Variants in CAMTA1 observed in about 807,000 individuals in gnomAD.
The protein encoded by CAMTA1 is calmodulin-binding transcription activator 1.
CAMTA1 carries 27 observed loss-of-function variants against 170.9 expected under a neutral mutation model. The observed-to-expected ratio is 0.16, with a 90% CI of 0.12 to 0.22. CAMTA1 has a LOEUF of 0.22. Ranked by LOEUF, CAMTA1 falls within the 10% of genes least tolerant of loss-of-function variation. The probability of loss-of-function intolerance (pLI) is 1.00; values close to 1 mark genes in which losing one functional copy is unlikely to be tolerated. For missense variants in CAMTA1, 1,619 were observed against 2,217.2 expected, an observed-to-expected ratio of 0.73 and a Z score of 5.42; for synonymous variants, 833 against 891.5, an observed-to-expected ratio of 0.93 and a Z score of 1.17.
intron 1 of CAMTA1, among the ~76,000 whole-genome samples, chr1:6,798,215 T>G (rs1371310076): frequency 2.0e-5 from 3 of 151,936 alleles, no homozygotes; most frequent in Admixed American, 6.6e-5. Flanking sequence ...CTTGAACTCC[T>G]GACCTCAGGT....
chr1:7,574,293 C>T (rs1366041153), intron 6 of CAMTA1, among the ~76,000 whole-genome samples: 1 of 152,120 alleles, frequency 6.6e-6, no homozygotes, highest in Non-Finnish European at 1.5e-5. Context: ...CAGACACTGC[C>T]AGGCGTTATA....
At chr1:7,181,234 A>T (rs1652094473) in intron 4 of CAMTA1, among the ~76,000 whole-genome samples, 2 of 152,234 alleles carry the variant, frequency 1.3e-5, no homozygotes, top group South Asian at 2.1e-4. Flanking sequence ...AGGAATAAAT[A>T]GATGCTTTTT....
intron 4 of CAMTA1, among the ~76,000 whole-genome samples, chr1:7,175,651 C>G (rs1050148603): frequency 2.0e-5 from 3 of 152,252 alleles, no homozygotes; most frequent in African/African-American, 7.2e-5. Flanking sequence ...CCTGCAGCCA[C>G]CCCAGCCGCT....
intron 6 of CAMTA1, among the ~76,000 whole-genome samples, chr1:7,502,420 G>T (rs1386881476): frequency 6.6e-6 from 1 of 152,212 alleles, no homozygotes; most frequent in Non-Finnish European, 1.5e-5. Context: ...ATAAAAATTT[G>T]ATGGGCTCCG....
chr1:7,222,037 C>T (rs1022575158), intron 4 of CAMTA1, among the ~76,000 whole-genome samples: 1 of 152,096 alleles, frequency 6.6e-6, no homozygotes, highest in Non-Finnish European at 1.5e-5. Context: ...CAAACAGGGG[C>T]GACAGGACTG....
intron 4 of CAMTA1, among the ~76,000 whole-genome samples, chr1:7,115,710 A>T (rs1368677987): frequency 6.6e-6 from 1 of 151,964 alleles, no homozygotes; most frequent in South Asian, 2.1e-4. Context: ...AGGAGAGCTG[A>T]TGGTGTTGTT....
At chr1:7,621,636 C>G (rs929701827) in intron 6 of CAMTA1, among the ~76,000 whole-genome samples, 8 of 152,206 alleles carry the variant, frequency 5.3e-5, no homozygotes, top group African/African-American at 1.9e-4. Flanking sequence ...GCCCAACACT[C>G]TGTGTCATTG....
intron 3 of CAMTA1, among the ~76,000 whole-genome samples, chr1:6,839,894 G>A (rs1437210641): frequency 6.6e-6 from 1 of 152,184 alleles, no homozygotes; most frequent in Admixed American, 6.5e-5. Context: ...GTTGTGCCAA[G>A]TAGGCATAAA....
chr1:7,166,218 C>T (rs2148797334), intron 4 of CAMTA1, among the ~76,000 whole-genome samples: 1 of 152,218 alleles, frequency 6.6e-6, no homozygotes, highest in South Asian at 2.1e-4. Context: ...AGGTGCCCAC[C>T]ACCATGCCCA....
chr1:7,516,165 C>T (rs952386777), intron 6 of CAMTA1, among the ~76,000 whole-genome samples: 8 of 152,324 alleles, frequency 5.3e-5, no homozygotes, highest in Middle Eastern at 3.4e-3. Flanking sequence ...AACACAGAGT[C>T]GTGGGCTCCA....
At chr1:7,505,986 G>A (rs1310568545) in intron 6 of CAMTA1, among the ~76,000 whole-genome samples, 2 of 152,164 alleles carry the variant, frequency 1.3e-5, no homozygotes, top group Non-Finnish European at 2.9e-5. Flanking sequence ...CTGCAGCAGT[G>A]TGGAAAGCAG....
intron 1 of CAMTA1, among the ~76,000 whole-genome samples, chr1:6,800,845 A>C (rs574676551): frequency 1.4e-4 from 21 of 152,278 alleles, no homozygotes; most frequent in African/African-American, 4.6e-4. Flanking sequence ...TATTTTTGGA[A>C]GTTTCTTTCA....
intron 3 of CAMTA1, among the ~76,000 whole-genome samples, chr1:6,861,210 C>A (rs1197660096): frequency 6.6e-6 from 1 of 152,138 alleles, no homozygotes; most frequent in African/African-American, 2.4e-5. Context: ...CCCGCCTTGG[C>A]CTCCCAAAGT....
rs1398367214 is a variant in CAMTA1 at position 7,766,416 on chromosome 1, C to G, written c.4990-43C>G. The stretch of plus-strand genomic sequence containing the variant: ...CTTTCCTTTACTTGGTCACAATTCA[C>G]TATAGAGTTATCGCCTGCTGTTTTG... On this transcript the variant is annotated intron_variant, in intron 22 of 22. Transcript: ENST00000303635. 5 of 1,604,402 alleles carry G rather than the reference C, an allele frequency of 3.1e-6. No individual in the cohort carries two copies. In the African/African-American group the frequency reaches 6.7e-5, roughly 21 times the overall value.
intron 5 of CAMTA1, among the ~76,000 whole-genome samples, chr1:7,353,568 G>A (rs2084863900): frequency 6.6e-6 from 1 of 151,724 alleles, no homozygotes; most frequent in African/African-American, 2.4e-5. Context: ...GGGATTACAG[G>A]CACACACCAC....
chr1:6,895,044 C>G (rs1000330739), intron 3 of CAMTA1, among the ~76,000 whole-genome samples: 2 of 152,168 alleles, frequency 1.3e-5, no homozygotes, highest in Non-Finnish European at 2.9e-5. Context: ...GGCCCTGAGC[C>G]TGTGTGTGGG....
intron 5 of CAMTA1, among the ~76,000 whole-genome samples, chr1:7,356,115 A>G (rs2085092085): frequency 6.6e-6 from 1 of 152,166 alleles, no homozygotes; most frequent in African/African-American, 2.4e-5. Context: ...CGGGTTTGGG[A>G]GGGAGGCATG....
At chr1:6,870,090 A>T (rs1667954243) in intron 3 of CAMTA1, among the ~76,000 whole-genome samples, 1 of 152,154 alleles carries the variant, frequency 6.6e-6, no homozygotes, top group African/African-American at 2.4e-5. Flanking sequence ...TTTTAATGCA[A>T]AATATTTTTG....
In CAMTA1 at chr1:7,323,507, C is replaced by CTTTTTTTTTT. The variant is rs56382342; in HGVS notation, c.438+73897_438+73906dup. On this transcript the variant is annotated intron_variant, in intron 5 of 22. Coordinates refer to ENST00000303635, the MANE Select transcript of CAMTA1 (RefSeq NM_015215.4). ...GGATGATTCTATTTCCTTTATTCTT[C>CTTTTTTTTTT]TTTTTTTTTTTTTTTTTTTTTTTTT... Among the ~76,000 whole-genome samples, 836 of 109,060 alleles carry CTTTTTTTTTT rather than the reference C, an allele frequency of 7.7e-3. 5 individuals are homozygous for CTTTTTTTTTT. Among genetic ancestry groups the CTTTTTTTTTT allele is most frequent in the Non-Finnish European group, 0.011 (642 of 57,194 alleles). The allele number at this position is 109,060 out of a possible 152,430, so 71.5% of individuals were successfully genotyped here.
Sources: gnomAD v4.1 joint callset for allele counts (sites outside exome capture counted in the v4.1 genomes callset) on GRCh38, gnomAD v4.1.1 for gene constraint, MANE v1.5 for transcripts, NCBI Gene and HGNC (gene_info 2026-07-23, HGNC 2026-07-21) for gene names.